Variants in TCERG1L observed in about 807,000 individuals in gnomAD.
The protein encoded by TCERG1L is transcription elongation regulator 1 like.
TCERG1L carries 37 observed loss-of-function variants against 56.3 expected under a neutral mutation model. That is an observed-to-expected ratio of 0.66 (90% CI 0.51 to 0.87). The LOEUF (loss-of-function observed/expected upper bound fraction) is 0.87, where lower values mean the gene tolerates loss of function less well. TCERG1L is among the 40% of genes least tolerant of loss of function. TCERG1L has a pLI of 0.00. For missense variants in TCERG1L, 799 were observed against 774.2 expected (o/e 1.03, Z -0.38); for synonymous variants, 324 against 326.3 (o/e 0.99, Z 0.08).
chr10:131,234,937 C>G (rs1388826833), intron 4 of TCERG1L, among the ~76,000 whole-genome samples: 1 of 152,196 alleles, frequency 6.6e-6, no homozygotes, highest in Non-Finnish European at 1.5e-5. Flanking sequence ...CTTTTGACCT[C>G]ATGATCTGCC....
chr10:131,185,041 G>A (rs368391061), intron 4 of TCERG1L, among the ~76,000 whole-genome samples: 12 of 152,216 alleles, frequency 7.9e-5, no homozygotes, highest in African/African-American at 2.4e-4. Flanking sequence ...GGCTGCAGTG[G>A]GCCATGATGA....
intron 9 of TCERG1L, among the ~76,000 whole-genome samples, chr10:131,111,502 A>C (rs2133386598): frequency 7.0e-6 from 1 of 143,448 alleles, no homozygotes; most frequent in South Asian, 2.5e-4. Flanking sequence ...TAAAATGGCC[A>C]TAATAGACCG....
At chr10:131,194,637 T>C (rs1845337922) in intron 4 of TCERG1L, among the ~76,000 whole-genome samples, 1 of 152,196 alleles carries the variant, frequency 6.6e-6, no homozygotes, top group South Asian at 2.1e-4. Context: ...AATTCTCTCA[T>C]GATTTCCTCT....
chr10:131,223,813 C>T (rs1055189463), intron 4 of TCERG1L, among the ~76,000 whole-genome samples: 1 of 151,998 alleles, frequency 6.6e-6, no homozygotes, highest in African/African-American at 2.4e-5. Context: ...GCAAGCAGCC[C>T]CCCACGCACC....
chr10:131,187,114 G>A (rs375113503), intron 4 of TCERG1L, among the ~76,000 whole-genome samples: 6 of 152,196 alleles, frequency 3.9e-5, no homozygotes, highest in East Asian at 1.9e-4. Flanking sequence ...GCTGGCATGA[G>A]CTCCGAGGGA....
chr10:131,273,660 T>C (rs1313233631), intron 3 of TCERG1L, among the ~76,000 whole-genome samples: 3 of 152,092 alleles, frequency 2.0e-5, no homozygotes, highest in Non-Finnish European at 4.4e-5. Context: ...GAGGGCGTCA[T>C]TTCCCCCAGA....
rs183044516 is a variant in TCERG1L, at chr10:131,201,955, G to A, written c.857-35070C>T. ...CTAGAAAGCTCTAACAAGTCCCAGG[G>A]CCACGTGGGGGTCACGGGGGCTGGT... On this transcript the variant is annotated intron_variant, in intron 4 of 11. Coordinates refer to ENST00000368642, the MANE Select transcript of TCERG1L (RefSeq NM_174937.4). Among the ~76,000 whole-genome samples the A allele has an allele frequency of 4.6e-5, 7 of 152,312 alleles. No individual in the cohort carries two copies. In the East Asian group the frequency reaches 1.4e-3, roughly 29 times the overall value.
At chr10:131,296,592 ACTGT>A (rs1416650000) in intron 3 of TCERG1L, among the ~76,000 whole-genome samples, 1 of 152,184 alleles carries the variant, frequency 6.6e-6, no homozygotes, top group Non-Finnish European at 1.5e-5. Flanking sequence ...CGTCAGAACT[ACTGT>A]GGTGATTCCA....
At chr10:131,149,931 T>C (rs997280838) in intron 6 of TCERG1L, among the ~76,000 whole-genome samples, 34 of 152,312 alleles carry the variant, frequency 2.2e-4, no homozygotes, top group African/African-American at 7.5e-4. Context: ...CTTCCATGAC[T>C]GGACAGTGGC....
intron 3 of TCERG1L, among the ~76,000 whole-genome samples, chr10:131,272,442 C>A (rs941614578): frequency 2.0e-5 from 3 of 152,202 alleles, no homozygotes; most frequent in African/African-American, 7.2e-5. Context: ...AATAATCCTA[C>A]AAACTGGGCT....
chr10:131,240,647 C>T (rs1288404266), intron 4 of TCERG1L, among the ~76,000 whole-genome samples: 4 of 152,158 alleles, frequency 2.6e-5, no homozygotes, highest in Non-Finnish European at 5.9e-5. Flanking sequence ...CAGACGTGAG[C>T]CACGCGTTTT....
chr10:131,252,675 C>T (rs1846125227), intron 4 of TCERG1L, among the ~76,000 whole-genome samples: 1 of 152,206 alleles, frequency 6.6e-6, no homozygotes, highest in Non-Finnish European at 1.5e-5. Flanking sequence ...ACACATGTCA[C>T]TCTCCCCACT....
At chr10:131,288,718 AAGAG>A (rs1448159932) in intron 3 of TCERG1L, among the ~76,000 whole-genome samples, 1 of 152,124 alleles carries the variant, frequency 6.6e-6, no homozygotes, top group African/African-American at 2.4e-5. Flanking sequence ...TTGTAAGAAA[AAGAG>A]AGGCCACGCA....
At chr10:131,300,187 T>G (rs1846745429) in intron 3 of TCERG1L, among the ~76,000 whole-genome samples, 1 of 152,202 alleles carries the variant, frequency 6.6e-6, no homozygotes, top group Admixed American at 6.5e-5. Context: ...AGTTTAAATG[T>G]GATTCATCTA....
chr10:131,226,396 C>G (rs750258270), intron 4 of TCERG1L, among the ~76,000 whole-genome samples: 18 of 152,234 alleles, frequency 1.2e-4, no homozygotes, highest in Non-Finnish European at 2.4e-4. Context: ...CTTGAAACAT[C>G]TAACCTGACC....
At position 131,311,342 on chromosome 10, in the gene TCERG1L, G is replaced by T. The variant is rs1382534117; in HGVS notation, c.294C>A (p.Asp98Glu). ...LPLLPLPSAP[D>E]SAAAAAAHPF... is the part of the protein sequence containing the mutation. ...GGTGCGCGGCGGCGGCGGCGGCGGAGTCTGGCGCAGAGGGCAGCGGCAGCA... is the reference window on the plus strand; with the variant it reads ...GGTGCGCGGCGGCGGCGGCGGCGGATTCTGGCGCAGAGGGCAGCGGCAGCA... The change falls in exon 1 of 12, where the codon GAC becomes GAA. Residue 98 changes from aspartate (D) to glutamate (E), a missense_variant. By Grantham distance (45) the Asp-to-Glu change is conservative. Coordinates refer to ENST00000368642, the MANE Select transcript of TCERG1L (RefSeq NM_174937.4). The surrounding 1 kb of genome is among the most constrained non-coding windows in gnomAD (Gnocchi z 4.0). 1 of 1,204,570 alleles carries T rather than the reference G, an allele frequency of 8.3e-7. No individual in the cohort carries two copies. The highest frequency in any genetic ancestry group is 1.0e-6 in the Non-Finnish European group (1 of 971,718). 74.6% of individuals were successfully genotyped at this position (1,204,570 alleles called of 1,614,324 possible). A position where few individuals can be genotyped will look rare whatever the true frequency, so the allele number is the denominator to read the frequency against.
intron 4 of TCERG1L, among the ~76,000 whole-genome samples, chr10:131,208,917 G>C (rs1845581960): frequency 6.6e-6 from 1 of 152,146 alleles, no homozygotes; most frequent in African/African-American, 2.4e-5. Context: ...AATTAGCCAG[G>C]CGTGGTGGCA....
chr10:131,171,931 C>T (rs1846097402), intron 4 of TCERG1L, among the ~76,000 whole-genome samples: 1 of 152,208 alleles, frequency 6.6e-6, no homozygotes. Flanking sequence ...AAATAAAGAA[C>T]TACTCTAGGA....
At chr10:131,299,132 TAC>T (rs1475055301) in intron 3 of TCERG1L, among the ~76,000 whole-genome samples, 11 of 152,212 alleles carry the variant, frequency 7.2e-5, no homozygotes, top group African/African-American at 2.7e-4. Flanking sequence ...CAAATATTAA[TAC>T]AGTCACTTCA....
Sources: gnomAD v4.1 joint callset for allele counts (sites outside exome capture counted in the v4.1 genomes callset) on GRCh38, gnomAD v4.1.1 for gene constraint, Gnocchi (gnomAD v3.1) non-coding constraint, MANE v1.5 for transcripts, NCBI Gene and HGNC (gene_info 2026-07-23, HGNC 2026-07-21) for gene names.